The following PKIB variants were observed in gnomAD, a reference collection of about 807,000 sequenced individuals.
PKIB encodes cAMP-dependent protein kinase inhibitor beta.
In PKIB, 2 loss-of-function variants were observed where a neutral mutation model predicts 4.5. That is an observed-to-expected ratio of 0.44 (90% CI 0.18 to 1.39). The LOEUF is 1.39. Among genes scored for constraint, PKIB ranks in the 40% most tolerant of loss-of-function variants. PKIB has a pLI of 0.27. For missense variants in PKIB, 94 were observed against 92.6 expected, an observed-to-expected ratio of 1.02 and a Z score of -0.06; for synonymous variants, 38 against 36.0, an observed-to-expected ratio of 1.06 and a Z score of -0.20.
chr6:122,496,049 A>G (rs1173113634), intron 2 of PKIB, among the ~76,000 whole-genome samples: 1 of 152,180 alleles, frequency 6.6e-6, no homozygotes, highest in Non-Finnish European at 1.5e-5. Flanking sequence ...CCCCATGAAA[A>G]GCTCAGGGCA....
chr6:122,543,208 G>T (rs1157675930), intron 2 of PKIB, among the ~76,000 whole-genome samples: 1 of 152,024 alleles, frequency 6.6e-6, no homozygotes, highest in Non-Finnish European at 1.5e-5. Flanking sequence ...CATGCATGGT[G>T]TGCTGCACCC....
intron 2 of PKIB, among the ~76,000 whole-genome samples, chr6:122,573,750 T>C (rs1253416010): frequency 2.0e-5 from 3 of 151,848 alleles, no homozygotes; most frequent in East Asian, 3.9e-4. Context: ...TCAGCAAAAA[T>C]AGGCATAGAA....
chr6:122,702,723 G>A (rs1778877577), intron 3 of PKIB, among the ~76,000 whole-genome samples: 1 of 151,994 alleles, frequency 6.6e-6, no homozygotes, highest in Non-Finnish European at 1.5e-5. Context: ...GGTAAACAAT[G>A]GGATCAGAGT....
intron 3 of PKIB, among the ~76,000 whole-genome samples, chr6:122,704,728 CTGTGTG>C (rs113825379): frequency 1.3e-5 from 2 of 149,300 alleles, no homozygotes; most frequent in African/African-American, 2.5e-5. Flanking sequence ...GAAATAATAA[CTGTGTG>C]TGTGTGTGTG....
chr6:122,503,778 C>T (rs1384544513), intron 2 of PKIB, among the ~76,000 whole-genome samples: 1 of 152,104 alleles, frequency 6.6e-6, no homozygotes, highest in South Asian at 2.1e-4. Context: ...TTTTTAACAC[C>T]TCACCCCCCA....
chr6:122,672,326 G>A (rs1562295079), intron 2 of PKIB, among the ~76,000 whole-genome samples: 2 of 152,116 alleles, frequency 1.3e-5, no homozygotes, highest in African/African-American at 4.8e-5. Flanking sequence ...CATTTAAAAA[G>A]AAAATATTCC....
At chr6:122,634,244 A>T (rs1352522512) in intron 2 of PKIB, among the ~76,000 whole-genome samples, 1 of 152,092 alleles carries the variant, frequency 6.6e-6, no homozygotes, top group African/African-American at 2.4e-5. Flanking sequence ...ACATTAGGAG[A>T]AATACCTAAT....
At chr6:122,474,809 A>G (rs1775411669) in intron 1 of PKIB, among the ~76,000 whole-genome samples, 1 of 152,322 alleles carries the variant, frequency 6.6e-6, no homozygotes, top group South Asian at 2.1e-4. Context: ...CATATAGGTA[A>G]ATGAATTCTC....
chr6:122,634,575 A>G (rs2114829866), intron 2 of PKIB, among the ~76,000 whole-genome samples: 1 of 152,138 alleles, frequency 6.6e-6, no homozygotes, highest in African/African-American at 2.4e-5. Flanking sequence ...ACTAGAACAC[A>G]ACTCCAGGGA....
intron 2 of PKIB, among the ~76,000 whole-genome samples, chr6:122,513,403 A>G (rs981881842): frequency 5.9e-5 from 9 of 152,168 alleles, no homozygotes; most frequent in African/African-American, 1.9e-4. Flanking sequence ...TGCCAACTGG[A>G]TCCTGGAGTG....
chr6:122,656,490 C>T (rs1451931702), intron 2 of PKIB, among the ~76,000 whole-genome samples: 1 of 152,132 alleles, frequency 6.6e-6, no homozygotes, highest in Non-Finnish European at 1.5e-5. Flanking sequence ...GTTCCCATAA[C>T]ATCAAGCAAA....
chr6:122,565,259 G>A (rs987852768), intron 2 of PKIB, among the ~76,000 whole-genome samples: 6 of 152,114 alleles, frequency 3.9e-5, no homozygotes, highest in Non-Finnish European at 8.8e-5. Flanking sequence ...ACCACTCAAA[G>A]TTCTTGGGAA....
intron 3 of PKIB, among the ~76,000 whole-genome samples, chr6:122,589,603 A>T (rs562581637): frequency 1.2e-4 from 18 of 152,292 alleles, no homozygotes; most frequent in Admixed American, 9.8e-4. Context: ...TGGTTAAAGC[A>T]CATTATCCAA....
At chr6:122,505,059 C>T (rs980399941) in intron 2 of PKIB, among the ~76,000 whole-genome samples, 1 of 152,280 alleles carries the variant, frequency 6.6e-6, no homozygotes, top group Non-Finnish European at 1.5e-5. Context: ...AAAACAGTGA[C>T]AGGGAGGCAG....
At position 122,640,976 on chromosome 6, in the gene PKIB, A is replaced by G. The variant is rs1391849699; in HGVS notation, c.-76+7609A>G. Among the ~76,000 whole-genome samples the G allele has an allele frequency of 3.9e-5, 6 of 152,210 alleles. No homozygotes were observed. The East Asian group carries it at 9.6e-4, about 24-fold the overall frequency. On this transcript the variant is annotated intron_variant, in intron 2 of 4. Transcript: ENST00000368452. The stretch of plus-strand genomic sequence containing the variant: ...GAGACATTTAAATAATGAAGAGAAC[A>G]AAGAATAAAATCAATTTCCCACCTC...
intron 2 of PKIB, among the ~76,000 whole-genome samples, chr6:122,583,539 TG>T (rs1426412897): frequency 6.6e-6 from 1 of 152,140 alleles, no homozygotes; most frequent in African/African-American, 2.4e-5. Flanking sequence ...ACGAAATTTT[TG>T]CTGCTATTAC....
chr6:122,567,283 GT>G (rs1773222365), intron 2 of PKIB, among the ~76,000 whole-genome samples: 4 of 152,310 alleles, frequency 2.6e-5, no homozygotes, highest in Non-Finnish European at 5.9e-5. Context: ...TCCTCAAATA[GT>G]GGCTGATGAG....
intron 1 of PKIB, among the ~76,000 whole-genome samples, chr6:122,611,770 G>C (rs1293536976): frequency 2.0e-5 from 3 of 152,142 alleles, no homozygotes; most frequent in African/African-American, 7.2e-5. Flanking sequence ...TGACCATAAT[G>C]CTCACGGAAA....
upstream of PKIB, among the ~76,000 whole-genome samples, chr6:122,608,709 A>G (rs370412837): frequency 5.9e-5 from 9 of 152,348 alleles, no homozygotes; most frequent in African/African-American, 1.9e-4. Context: ...TTCATGGGCC[A>G]TACATTCCAG....
Sources: allele counts gnomAD v4.1 joint callset (sites outside exome capture counted in the v4.1 genomes callset), GRCh38; gene constraint gnomAD v4.1.1; transcripts MANE v1.5; gene names NCBI Gene and HGNC (gene_info 2026-07-23, HGNC 2026-07-21).